The following PCDH15 variants were observed in gnomAD, a reference collection of about 807,000 sequenced individuals.
PCDH15 encodes protocadherin related 15, also known as protocadherin-15.
Under a neutral mutation model 178.5 loss-of-function variants are expected in PCDH15, and 129 were observed. The observed-to-expected ratio is 0.72, with a 90% confidence interval of 0.63 to 0.84. PCDH15 has a LOEUF of 0.84. Among genes scored for constraint, PCDH15 ranks in the 40% least tolerant of loss-of-function variants. The probability of loss-of-function intolerance (pLI) is 0.00; values close to 1 mark genes in which losing one functional copy is unlikely to be tolerated. For missense variants in PCDH15, 2,230 were observed against 2,099.9 expected (o/e 1.06, Z -1.21); for synonymous variants, 800 against 732.0 (o/e 1.09, Z -1.50).
At chr10:54,850,434 C>A (rs1245343998) in intron 3 of PCDH15, among the ~76,000 whole-genome samples, 1 of 151,982 alleles carries the variant, frequency 6.6e-6, no homozygotes, top group Admixed American at 6.6e-5. Flanking sequence ...TTATCCCTCA[C>A]CCACTTCCCA....
At chr10:54,521,155 A>G (rs1196705601) in intron 3 of PCDH15, among the ~76,000 whole-genome samples, 1 of 151,944 alleles carries the variant, frequency 6.6e-6, no homozygotes, top group Non-Finnish European at 1.5e-5. Flanking sequence ...TGGCACATGT[A>G]TACATATGTA....
intron 28 of PCDH15, among the ~76,000 whole-genome samples, chr10:53,856,193 C>T (rs1335885524): frequency 6.7e-6 from 1 of 150,126 alleles, no homozygotes; most frequent in African/African-American, 2.5e-5. Flanking sequence ...CTTGTGTGCA[C>T]CAAAATCTCA....
At chr10:55,492,704 T>G (rs935435963) in intron 2 of PCDH15, among the ~76,000 whole-genome samples, 4 of 151,692 alleles carry the variant, frequency 2.6e-5, no homozygotes, top group African/African-American at 9.7e-5. Flanking sequence ...ATGCAGGCAA[T>G]AGGTATGGCC....
At chr10:54,313,070 T>C (rs1218886064) in intron 8 of PCDH15, among the ~76,000 whole-genome samples, 1 of 152,068 alleles carries the variant, frequency 6.6e-6, no homozygotes, top group Non-Finnish European at 1.5e-5. Context: ...ATTTCTTCCA[T>C]AATATTTAAT....
chr10:54,811,747 G>C (rs896860615), intron 3 of PCDH15, among the ~76,000 whole-genome samples: 1 of 152,130 alleles, frequency 6.6e-6, no homozygotes, highest in Admixed American at 6.5e-5. Context: ...GGGATTACAG[G>C]CGTGAGCCAC....
At chr10:54,868,631 C>G (rs566811992) in intron 3 of PCDH15, among the ~76,000 whole-genome samples, 1 of 152,178 alleles carries the variant, frequency 6.6e-6, no homozygotes, top group Non-Finnish European at 1.5e-5. Context: ...AATCAGGCTA[C>G]TTCTCTTCTT....
intron 2 of PCDH15, among the ~76,000 whole-genome samples, chr10:55,412,750 T>C (rs923725279): frequency 6.6e-6 from 1 of 151,812 alleles, no homozygotes; most frequent in Non-Finnish European, 1.5e-5. Context: ...AGAACCAGAA[T>C]AATACGAGAT....
Position 53,806,789 on chromosome 10 carries a change from A to C in PCDH15, c.5013T>G (p.Val1671=). 6.2e-7 allele frequency: 1 copy of C among 1,613,858 alleles called. No homozygotes were observed. Among genetic ancestry groups the C allele is most frequent in the Non-Finnish European group, 8.5e-7 (1 of 1,179,816 alleles). The change falls in exon 38 of 38, where the codon GTT becomes GTG. Residue 1671 remains valine (V), a synonymous_variant. Coordinates refer to ENST00000644397, the MANE Select transcript of PCDH15 (RefSeq NM_001384140.1). ...TCCCCACAGGGCAAGGGGCAAATGT[A>C]ACCAGAGTTGGTCTTGCATTCATTT... ...TEKMNARPTL[V]TFAPCPVGTD...
At position 53,962,013 on chromosome 10, in the gene PCDH15, T is replaced by C. The variant is rs1349498740; in HGVS notation, c.2869-121A>G. ...AGAAGTGAAAATCATATTTCCATAT[T>C]TTCATTCTTTCAGAGCTGAAATGTA... On this transcript the variant is annotated intron_variant, in intron 21 of 37. Coordinates refer to ENST00000644397, the MANE Select transcript of PCDH15 (RefSeq NM_001384140.1). The C allele has an allele frequency of 7.5e-6, 6 of 796,372 alleles. No individual in the cohort carries two copies. The East Asian group carries it at 1.6e-4, about 22-fold the overall frequency. 49.3% of individuals were successfully genotyped at this position (796,372 alleles called of 1,614,324 possible). A position where few individuals can be genotyped will look rare whatever the true frequency, so the allele number is the denominator to read the frequency against.
rs189208350 is a variant in PCDH15, at chr10:54,107,660, G to A, written c.1918-17597C>T. Among the ~76,000 whole-genome samples the A allele has an allele frequency of 3.3e-5, 5 of 152,290 alleles. No individual in the cohort carries two copies. In the East Asian group the frequency reaches 9.6e-4, roughly 29 times the overall value. ...GTGAGTAGGGCATGCCCATGAAGTG[G>A]GGGACAGCAGCAGTGTAATTTGGGG... On this transcript the variant is annotated intron_variant, in intron 15 of 37. Transcript: ENST00000644397.
chr10:54,726,422 GTGT>G (rs1566051605), intron 1 of PCDH15, among the ~76,000 whole-genome samples: 3 of 34,558 alleles, frequency 8.7e-5, no homozygotes, highest in Admixed American at 6.2e-4. Context: ...CATCAGGGGT[GTGT>G]GTGTGTGTGT....
chr10:53,962,110 A>T (rs968287843), intron 21 of PCDH15, among the ~76,000 whole-genome samples: 2 of 152,180 alleles, frequency 1.3e-5, no homozygotes, highest in Middle Eastern at 3.2e-3. Context: ...TTATTTTAAA[A>T]TGATTTATAT....
At chr10:55,277,871 G>A (rs1042390303) in intron 1 of PCDH15, among the ~76,000 whole-genome samples, 5 of 152,026 alleles carry the variant, frequency 3.3e-5, no homozygotes, top group African/African-American at 1.2e-4. Context: ...ATTTTAAATA[G>A]AGAAAACAAT....
intron 18 of PCDH15, among the ~76,000 whole-genome samples, chr10:54,023,905 A>AT (rs34902947): frequency 0.56 from 84,369 of 151,502 alleles, 23,700 homozygotes; most frequent in Middle Eastern, 0.7. Flanking sequence ...TACTTAACAA[A>AT]TGCTTGTGGA....
chr10:54,619,935 G>T (rs961338381), intron 2 of PCDH15, among the ~76,000 whole-genome samples: 1 of 151,954 alleles, frequency 6.6e-6, no homozygotes. Context: ...CCTGATTTTT[G>T]TAAGGCTGAA....
intron 26 of PCDH15, among the ~76,000 whole-genome samples, chr10:53,873,887 C>T (rs948699314): frequency 5.3e-5 from 8 of 152,126 alleles, no homozygotes; most frequent in African/African-American, 7.2e-5. Context: ...TCCTTTGTTC[C>T]GTTTTGCCAT....
At chr10:54,456,688 T>G (rs888817902) in intron 3 of PCDH15, among the ~76,000 whole-genome samples, 4 of 152,112 alleles carry the variant, frequency 2.6e-5, no homozygotes, top group Non-Finnish European at 1.5e-5. Context: ...AGGGGTAGAA[T>G]GATATGGTTT....
At chr10:55,242,007 T>A (rs1354349214) in intron 1 of PCDH15, among the ~76,000 whole-genome samples, 3 of 152,162 alleles carry the variant, frequency 2.0e-5, no homozygotes, top group Non-Finnish European at 4.4e-5. Flanking sequence ...ATTGGTTTAT[T>A]GAGAACACAT....
rs182725177 is a variant in PCDH15 at position 54,577,314 on chromosome 10, G to T, written c.92-49437C>A. Among the ~76,000 whole-genome samples the T allele has an allele frequency of 4.7e-5, 7 of 148,954 alleles. No individual in the cohort carries two copies. In the East Asian group the frequency reaches 1.2e-3, roughly 25 times the overall value. On this transcript the variant is annotated intron_variant, in intron 2 of 37. Transcript: ENST00000644397. ...TCACCATATTGGCCAGGATAGTCTC[G>T]ATCTCCTGACCTTACAATACACCCG...
Sources: gnomAD v4.1 joint callset for allele counts (sites outside exome capture counted in the v4.1 genomes callset) on GRCh38, gnomAD v4.1.1 for gene constraint, MANE v1.5 for transcripts, NCBI Gene and HGNC (gene_info 2026-07-23, HGNC 2026-07-21) for gene names.